The following SH3YL1 variants were observed in gnomAD, a reference collection of about 807,000 sequenced individuals.
SH3YL1 encodes SH3 domain-containing YSC84-like protein 1.
In SH3YL1, 41 loss-of-function variants were observed where a neutral mutation model predicts 45.8. The observed-to-expected ratio is 0.89, with a 90% CI of 0.70 to 1.16. The LOEUF (loss-of-function observed/expected upper bound fraction) is 1.16. SH3YL1 is among the 50% of genes most tolerant of loss of function. SH3YL1 has a pLI of 0.00. For synonymous variants in SH3YL1, 152 were observed against 151.4 expected, an observed-to-expected ratio of 1.00 and a Z score of -0.03; for missense variants, 389 against 409.6, an observed-to-expected ratio of 0.95 and a Z score of 0.43.
intron 4 of SH3YL1, among the ~76,000 whole-genome samples, chr2:239,011 T>A (rs1483025547): frequency 1.3e-5 from 2 of 152,076 alleles, no homozygotes; most frequent in East Asian, 3.9e-4. Flanking sequence ...AAGCTTAGGG[T>A]CACTTACACT....
intron 2 of SH3YL1, among the ~76,000 whole-genome samples, chr2:251,922 C>G (rs181978590): frequency 1.4e-3 from 215 of 152,252 alleles, no homozygotes; most frequent in Non-Finnish European, 1.2e-3. Context: ...ATGCAGGACC[C>G]AGAGTCATGC....
intron 9 of SH3YL1, 48 bp downstream of exon 9, chr2:224,816 C>G (rs368060237): frequency 7.7e-5 from 107 of 1,386,040 alleles, no homozygotes; most frequent in Non-Finnish European, 1.0e-4. Context: ...AGTTTGTGAT[C>G]ACAAAATGAA....
chr2:243,656 G>A, intron 4 of SH3YL1: 1 of 1,370,388 alleles, frequency 7.3e-7, no homozygotes. Flanking sequence ...CAACAGCCTT[G>A]CTTGGACCTT....
chr2:260,445 G>C (rs1381489159), intron 1 of SH3YL1: 1 of 152,352 alleles, frequency 6.6e-6, no homozygotes, highest in South Asian at 2.1e-4. Flanking sequence ...TGCCACAGCA[G>C]GGCTTTATAA....
chr2:235,444 C>T (rs71337615), intron 4 of SH3YL1, among the ~76,000 whole-genome samples: 1,395 of 25,272 alleles, frequency 0.055, 11 homozygotes, highest in Middle Eastern at 0.1. Context: ...GCAGCATGGG[C>T]CAGGGGAGGC....
At chr2:237,069 G>C (rs569338790) in intron 4 of SH3YL1, among the ~76,000 whole-genome samples, 11 of 152,212 alleles carry the variant, frequency 7.2e-5, no homozygotes, top group Non-Finnish European at 1.2e-4. Flanking sequence ...ATTTTCACCA[G>C]TGATTGTATA....
intron 5 of SH3YL1, 119 bp from the exon 6 acceptor site, chr2:233,348 G>C: frequency 8.8e-7 from 1 of 1,131,482 alleles, no homozygotes; most frequent in East Asian, 3.0e-5. Flanking sequence ...TTCTTCAGCT[G>C]TTTCTATGTT....
chr2:263,974 G>A lies in SH3YL1; in HGVS notation c.1+10C>T, dbSNP rs564470862. The stretch of plus-strand genomic sequence containing the variant: ...GGTGCTGCCGGACAGGTGGGTCCCC[G>A]GGTACTCACTGCTGCCCGCCCGGCC... On this transcript the variant is annotated intron_variant, in intron 1 of 9. Transcript: ENST00000356150. The A allele has an allele frequency of 1.4e-5, 21 of 1,494,130 alleles. No individual in the cohort carries two copies. Among genetic ancestry groups the A allele is most frequent in the Admixed American group, 4.5e-5 (2 of 44,232 alleles). The allele number at this position is 1,494,130 out of a possible 1,614,324, so 92.6% of individuals were successfully genotyped here.
upstream of SH3YL1, chr2:264,206 T>A (rs1308674504): frequency 5.6e-6 from 3 of 537,258 alleles, no homozygotes; most frequent in East Asian, 7.1e-5. Context: ...AACCGCCCCG[T>A]CCTCAAGATC....
chr2:246,389 C>T (rs879190507), intron 4 of SH3YL1, among the ~76,000 whole-genome samples: 1 of 152,044 alleles, frequency 6.6e-6, no homozygotes, highest in Non-Finnish European at 1.5e-5. Flanking sequence ...TTTTTGGTCT[C>T]TAATATATTG....
intron 8 of SH3YL1, 77 bp downstream of exon 8, chr2:229,889 G>A: frequency 8.5e-7 from 1 of 1,173,616 alleles, no homozygotes; most frequent in South Asian, 1.4e-5. Context: ...GTTTAACAAT[G>A]TATCTTGATT....
chr2:251,880 T>C (rs1288741474), intron 2 of SH3YL1, among the ~76,000 whole-genome samples: 1 of 152,236 alleles, frequency 6.6e-6, no homozygotes, highest in African/African-American at 2.4e-5. Context: ...ACTTTAGATA[T>C]CTGGCTTAGA....
intron 4 of SH3YL1, chr2:243,619 C>A: frequency 6.7e-7 from 1 of 1,501,686 alleles, no homozygotes; most frequent in African/African-American, 1.4e-5. Flanking sequence ...TCAACATGGA[C>A]GAAGAAGAGT....
chr2:246,385 G>A (rs1668811677), intron 4 of SH3YL1, among the ~76,000 whole-genome samples: 1 of 151,990 alleles, frequency 6.6e-6, no homozygotes, highest in Non-Finnish European at 1.5e-5. Flanking sequence ...TCAATTTTTG[G>A]TCTCTAATAT....
chr2:251,878 T>C (rs1490015789), intron 2 of SH3YL1, among the ~76,000 whole-genome samples: 3 of 152,230 alleles, frequency 2.0e-5, no homozygotes, highest in Admixed American at 2.0e-4. Flanking sequence ...TAACTTTAGA[T>C]ATCTGGCTTA....
chr2:246,470 C>G (rs1221718683), intron 4 of SH3YL1, among the ~76,000 whole-genome samples: 5 of 152,116 alleles, frequency 3.3e-5, no homozygotes, highest in African/African-American at 1.2e-4. Flanking sequence ...ATGCCCCCAG[C>G]CTCACAAGGA....
At chr2:254,230 G>A (rs1035806638) in intron 1 of SH3YL1, among the ~76,000 whole-genome samples, 5 of 152,156 alleles carry the variant, frequency 3.3e-5, no homozygotes, top group South Asian at 2.1e-4. Flanking sequence ...TACAAGTAAC[G>A]CCGGCCTGCA....
rs1454529440 is a variant in SH3YL1 at position 253,041 on chromosome 2, T to C, written c.76A>G (p.Ile26Val). 1.9e-6 allele frequency: 3 copies of C among 1,549,882 alleles called. No individual in the cohort carries two copies. Among genetic ancestry groups the C allele is most frequent in the African/African-American group, 2.7e-5 (2 of 73,028 alleles). ...AAKILREFTE[I>V]TSRNGPDKII... Reference sequence around the variant, plus strand: ...TTATCAGGTCCATTTCTGGAAGTTATTTCTGTGAATTCTCTTAATATTTTG... The same window carrying C: ...TTATCAGGTCCATTTCTGGAAGTTACTTCTGTGAATTCTCTTAATATTTTG... The change falls in exon 2 of 10, where the codon ATA becomes GTA. Residue 26 changes from isoleucine (I) to valine (V), a missense_variant. Ile to Val is a conservative substitution (Grantham distance 29). Transcript: ENST00000356150.
At chr2:261,916 G>A (rs1444359723) in intron 1 of SH3YL1, among the ~76,000 whole-genome samples, 1 of 152,136 alleles carries the variant, frequency 6.6e-6, no homozygotes, top group Non-Finnish European at 1.5e-5. Context: ...GGTTTTCCAA[G>A]TTCTTACTGA....
Sources: gnomAD v4.1 joint callset for allele counts (sites outside exome capture counted in the v4.1 genomes callset) on GRCh38, gnomAD v4.1.1 for gene constraint, MANE v1.5 for transcripts, NCBI Gene and HGNC (gene_info 2026-07-23, HGNC 2026-07-21) for gene names.